Variants in LRCH1 observed in about 807,000 individuals in gnomAD.
LRCH1 encodes leucine-rich repeat and calponin homology domain-containing protein 1.
In LRCH1, 23 loss-of-function variants were observed where a neutral mutation model predicts 94.9. That is an observed-to-expected ratio of 0.24 (90% confidence interval 0.17 to 0.34). The LOEUF is 0.34. Among genes scored for constraint, LRCH1 ranks in the 10% least tolerant of loss-of-function variants. The pLI, the probability that LRCH1 is intolerant of heterozygous loss-of-function variation, is 1.00. For missense variants in LRCH1, 790 were observed against 945.9 expected (o/e 0.84, Z 2.16); for synonymous variants, 364 against 354.9 (o/e 1.03, Z -0.29).
chr13:46,736,889 G>A (rs927136912), intron 19 of LRCH1, among the ~76,000 whole-genome samples: 72 of 152,134 alleles, frequency 4.7e-4, no homozygotes, highest in Non-Finnish European at 1.6e-4. Context: ...TTTGTCCTAT[G>A]TAATAGAATC....
At chr13:46,557,983 G>A (rs971963614) in intron 1 of LRCH1, among the ~76,000 whole-genome samples, 7 of 152,322 alleles carry the variant, frequency 4.6e-5, no homozygotes, top group Admixed American at 6.5e-5. Flanking sequence ...TGCAGTGAAA[G>A]CCATGATCGC....
chr13:46,601,513 G>A (rs1316992045), intron 1 of LRCH1, among the ~76,000 whole-genome samples: 1 of 152,220 alleles, frequency 6.6e-6, no homozygotes, highest in Non-Finnish European at 1.5e-5. Context: ...GTACATAGGT[G>A]ATTTTAAAGG....
Position 46,744,455 on chromosome 13 carries a change from C to T in LRCH1, c.*2607C>T. 1.3e-5 allele frequency: 13 copies of T among 985,406 alleles called. No individual in the cohort carries two copies. Among genetic ancestry groups the T allele is most frequent in the Non-Finnish European group, 1.6e-5 (13 of 829,910 alleles). 61.0% of individuals were successfully genotyped at this position (985,406 alleles called of 1,614,324 possible). A position where few individuals can be genotyped will look rare whatever the true frequency, so the allele number is the denominator to read the frequency against. ...TTCCAAAATTTGTGACACCTAATTT[C>T]TAATCATCTTTCCTATTTATGGATT... On this transcript the variant is annotated 3_prime_UTR_variant, in exon 20 of 20. Coordinates refer to ENST00000389797, the MANE Select transcript of LRCH1 (RefSeq NM_001164211.2).
intron 1 of LRCH1, among the ~76,000 whole-genome samples, chr13:46,625,631 G>GTTTTTTT (rs149512536): frequency 7.9e-6 from 1 of 126,298 alleles, no homozygotes; most frequent in African/African-American, 2.9e-5. Flanking sequence ...AAATGTGTGG[G>GTTTTTTT]GTTTTTTTTT....
chr13:46,568,498 G>T (rs1012625644), intron 1 of LRCH1, among the ~76,000 whole-genome samples: 3 of 152,208 alleles, frequency 2.0e-5, no homozygotes, highest in African/African-American at 7.2e-5. Context: ...GTCCTTTGAA[G>T]GAATTACAAT....
At chr13:46,698,956 G>A (rs1871331068) in intron 9 of LRCH1, among the ~76,000 whole-genome samples, 1 of 152,096 alleles carries the variant, frequency 6.6e-6, no homozygotes, top group Non-Finnish European at 1.5e-5. Context: ...CAACTCCCTC[G>A]TTCCTTCCCG....
At chr13:46,602,569 T>G (rs2050639028) in intron 1 of LRCH1, among the ~76,000 whole-genome samples, 1 of 152,170 alleles carries the variant, frequency 6.6e-6, no homozygotes, top group African/African-American at 2.4e-5. Flanking sequence ...TTGACTGAGA[T>G]AAATTTATGC....
At chr13:46,734,264 A>G (rs1873259876) in intron 19 of LRCH1, among the ~76,000 whole-genome samples, 1 of 152,202 alleles carries the variant, frequency 6.6e-6, no homozygotes, top group Non-Finnish European at 1.5e-5. Context: ...TTGAAAAAAA[A>G]TTTTAATCCG....
chr13:46,701,071 T>C (rs1871443141), intron 10 of LRCH1, 50 bp from the exon 11 acceptor site: 1 of 1,120,274 alleles, frequency 8.9e-7, no homozygotes, highest in African/African-American at 1.6e-5. Flanking sequence ...TTAGATGATA[T>C]TCATGTTGTA....
intron 2 of LRCH1, among the ~76,000 whole-genome samples, chr13:46,664,051 G>C (rs552325144): frequency 6.6e-6 from 1 of 152,144 alleles, no homozygotes; most frequent in South Asian, 2.1e-4. Flanking sequence ...TTGTAGTCTT[G>C]GTTATCCAGA....
intron 1 of LRCH1, among the ~76,000 whole-genome samples, chr13:46,597,338 G>T (rs1358545916): frequency 6.6e-6 from 1 of 151,962 alleles, no homozygotes; most frequent in East Asian, 1.9e-4. Flanking sequence ...CCAAATATAG[G>T]GCTAAAGAAC....
chr13:46,558,603 G>C (rs1292025120), intron 1 of LRCH1, among the ~76,000 whole-genome samples: 1 of 82,380 alleles, frequency 1.2e-5, no homozygotes, highest in African/African-American at 5.9e-5. Flanking sequence ...AAAAAAGCTG[G>C]GTTCCTGTAA....
At chr13:46,719,531 G>A (rs911527116) in intron 16 of LRCH1, among the ~76,000 whole-genome samples, 11 of 152,126 alleles carry the variant, frequency 7.2e-5, no homozygotes, top group Non-Finnish European at 1.5e-4. Flanking sequence ...ATGAGGATGG[G>A]GTAAAGAGTG....
rs1361086192 is a variant in LRCH1, at chr13:46,650,304, G to A, written c.411G>A (p.Glu137=). ...ACAACTGTATCAGAGTCATTCCTGAGGCCATCGTTAATCTGCAGATGCTGA... is the reference window on the plus strand; with the variant it reads ...ACAACTGTATCAGAGTCATTCCTGAAGCCATCGTTAATCTGCAGATGCTGA... ...LYHNCIRVIP[E]AIVNLQMLTY... is the part of the protein sequence containing the mutation. The change falls in exon 2 of 20, where the codon GAG becomes GAA. Residue 137 remains glutamate, a synonymous_variant. Coordinates refer to ENST00000389797, the MANE Select transcript of LRCH1 (RefSeq NM_001164211.2). 2.5e-6 allele frequency: 4 copies of A among 1,607,380 alleles called. No homozygotes were observed. The highest frequency in any genetic ancestry group is 3.4e-6 in the Non-Finnish European group (4 of 1,176,786).
chr13:46,612,907 A>G (rs1410462957), intron 1 of LRCH1, among the ~76,000 whole-genome samples: 1 of 152,194 alleles, frequency 6.6e-6, no homozygotes, highest in African/African-American at 2.4e-5. Flanking sequence ...ATTTTAACCT[A>G]TTGAAGTCAC....
chr13:46,677,255 CAAAAAAAAAAAA>C (rs67827727), intron 3 of LRCH1, among the ~76,000 whole-genome samples: 1 of 98,076 alleles, frequency 1.0e-5, no homozygotes, highest in Non-Finnish European at 2.1e-5. Context: ...ACTAAAAATA[CAAAAAAAAAAAA>C]AAAAAAAAAA....
At chr13:46,701,251 A>G (rs766676726) in intron 11 of LRCH1, 44 bp downstream of exon 11, 11 of 1,324,404 alleles carry the variant, frequency 8.3e-6, no homozygotes. Flanking sequence ...TAAATAATGC[A>G]TACTAATGTA....
At chr13:46,652,256 T>G (rs925988802) in intron 2 of LRCH1, among the ~76,000 whole-genome samples, 15 of 152,118 alleles carry the variant, frequency 9.9e-5, no homozygotes, top group Non-Finnish European at 1.8e-4. Context: ...TTTTGTATTT[T>G]TAGTAGAGGC....
chr13:46,662,763 A>G (rs890559730), intron 2 of LRCH1, among the ~76,000 whole-genome samples: 5 of 152,224 alleles, frequency 3.3e-5, no homozygotes, highest in African/African-American at 1.2e-4. Context: ...GAGATAGGCT[A>G]TTATTGTGGG....
Sources: gnomAD v4.1 joint callset for allele counts (sites outside exome capture counted in the v4.1 genomes callset) on GRCh38, gnomAD v4.1.1 for gene constraint, MANE v1.5 for transcripts, NCBI Gene and HGNC (gene_info 2026-07-23, HGNC 2026-07-21) for gene names.